The following SLU7 variants were observed in gnomAD, a reference collection of about 807,000 sequenced individuals.
The protein encoded by SLU7 is pre-mRNA-splicing factor SLU7.
In SLU7, 60 loss-of-function variants were observed where a neutral mutation model predicts 87.0. That is an observed-to-expected ratio of 0.69 (90% CI 0.56 to 0.86). The LOEUF (loss-of-function observed/expected upper bound fraction) is 0.86, where lower values mean the gene tolerates loss of function less well. Ranked by LOEUF, SLU7 falls within the 40% of genes least tolerant of loss-of-function variation. The pLI, the probability that SLU7 is intolerant of heterozygous loss-of-function variation, is 0.00. For synonymous variants in SLU7, 197 were observed against 222.0 expected (o/e 0.89, Z 1.00); for missense variants, 507 against 686.6 (o/e 0.74, Z 2.92).
Position 160,407,964 on chromosome 5 carries a change from T to A in SLU7, c.917+7A>T. 6.3e-7 allele frequency: 1 copy of A among 1,592,298 alleles called. No homozygotes were observed. Among genetic ancestry groups the A allele is most frequent in the Non-Finnish European group, 8.6e-7 (1 of 1,160,506 alleles). ...CTTAAAATCTGTACATTTAACTTGA[T>A]ACTTACTCATCTGGATTCTTTCCTG... On this transcript the variant is annotated splice_region_variant and intron_variant, in intron 9 of 15. Coordinates refer to ENST00000297151, the MANE Select transcript of SLU7 (RefSeq NM_006425.5). This position sits in a 1 kb window ranked among gnomAD's most constrained non-coding sequence, Gnocchi z 4.2.
intron 1 of SLU7, among the ~76,000 whole-genome samples, chr5:160,418,013 G>A (rs1765528651): frequency 6.6e-6 from 1 of 152,094 alleles, no homozygotes; most frequent in Non-Finnish European, 1.5e-5. Flanking sequence ...TAGACACTGG[G>A]CCTTTACACA....
intron 1 of SLU7, among the ~76,000 whole-genome samples, chr5:160,415,672 AAG>A (rs1765422632): frequency 6.6e-6 from 1 of 152,194 alleles, no homozygotes; most frequent in Admixed American, 6.5e-5. Context: ...TGAATATCTC[AAG>A]AGTTATCTAT....
At chr5:160,414,122 T>A in intron 3 of SLU7, 143 bp from the exon 4 acceptor site, 1 of 684,710 alleles carries the variant, frequency 1.5e-6, no homozygotes, top group Non-Finnish European at 2.3e-6. Context: ...TTTATAAATG[T>A]GAAACTTTAA....
chr5:160,403,935 A>C (rs757250802), intron 15 of SLU7, among the ~76,000 whole-genome samples: 9 of 152,232 alleles, frequency 5.9e-5, no homozygotes, highest in Non-Finnish European at 1.0e-4. Context: ...TCCAAGAAGA[A>C]GGCAATACCT....
rs1419389392 is a variant in SLU7 at position 160,407,635 on chromosome 5, C to T, written c.986-20G>A. 7.5e-6 allele frequency: 12 copies of T among 1,606,938 alleles called. No homozygotes were observed. The highest frequency in any genetic ancestry group is 3.3e-4 in the Middle Eastern group (2 of 6,012). ...CAAACACTAGAGTAATTCAAAACAT[C>T]TTAGTGAGTTGGCAGCTGCATTACT... On this transcript the variant is annotated intron_variant, in intron 10 of 15. Coordinates refer to ENST00000297151, the MANE Select transcript of SLU7 (RefSeq NM_006425.5). This position sits in a 1 kb window ranked among gnomAD's most constrained non-coding sequence, Gnocchi z 4.2.
intron 13 of SLU7, 28 bp downstream of exon 13, chr5:160,405,003 C>A (rs770360992): frequency 5.7e-6 from 9 of 1,573,414 alleles, no homozygotes; most frequent in Admixed American, 5.0e-5. Flanking sequence ...TTGTTTTATA[C>A]CTTTAAGAAC....
At chr5:160,410,360 A>G (rs551641112) in intron 6 of SLU7, among the ~76,000 whole-genome samples, 2 of 152,190 alleles carry the variant, frequency 1.3e-5, no homozygotes, top group Non-Finnish European at 2.9e-5. Flanking sequence ...ATTTACATAC[A>G]TTTCTATAGT....
intron 7 of SLU7, 94 bp from the exon 8 acceptor site, chr5:160,408,554 T>C (rs1765101513): frequency 6.9e-7 from 1 of 1,445,894 alleles, no homozygotes; most frequent in Non-Finnish European, 9.5e-7. Context: ...CCTTATTTAC[T>C]TGTGTTCTTT....
In SLU7 at chr5:160,407,398, C is replaced by T; in HGVS notation, c.1125+78G>A. ...AGAGGGCTCTCTTTGCATTATTTTCCAAATGTAAAACTAACGCTTATTAAC... is the reference window on the plus strand; with the variant it reads ...AGAGGGCTCTCTTTGCATTATTTTCTAAATGTAAAACTAACGCTTATTAAC... On this transcript the variant is annotated intron_variant, in intron 11 of 15. Coordinates refer to ENST00000297151, the MANE Select transcript of SLU7 (RefSeq NM_006425.5). The surrounding 1 kb of genome is among the most constrained non-coding windows in gnomAD (Gnocchi z 4.2). 7.6e-7 allele frequency: 1 copy of T among 1,317,592 alleles called. No homozygotes were observed. Among genetic ancestry groups the T allele is most frequent in the Non-Finnish European group, 1.0e-6 (1 of 960,216 alleles). The allele number at this position is 1,317,592 out of a possible 1,614,324, so 81.6% of individuals were successfully genotyped here.
chr5:160,403,020 A>C lies in SLU7; in HGVS notation c.*265T>G, dbSNP rs977147900. 3.6e-5 allele frequency: 8 copies of C among 221,906 alleles called. No individual in the cohort carries two copies. The highest frequency in any genetic ancestry group is 6.9e-5 in the Non-Finnish European group (8 of 115,198). 13.7% of individuals were successfully genotyped at this position (221,906 alleles called of 1,614,324 possible). On this transcript the variant is annotated 3_prime_UTR_variant, in exon 16 of 16. Coordinates refer to ENST00000297151, the MANE Select transcript of SLU7 (RefSeq NM_006425.5). ...ACAGAGCAAGACTCCGTCTCAAAAAAAAAAATAAATAAATAAAAAAAACTG... is the reference window on the plus strand; with the variant it reads ...ACAGAGCAAGACTCCGTCTCAAAAACAAAAATAAATAAATAAAAAAAACTG...
In SLU7 at chr5:160,407,217, G is replaced by A. The variant is rs1403991349; in HGVS notation, c.1125+259C>T. ...TAGTTCATCATCTAACCTCAGCTGA[G>A]CAAGCCCAGACCAGGAGACTTGGCC... On this transcript the variant is annotated intron_variant, in intron 11 of 15. Transcript: ENST00000297151. This position sits in a 1 kb window ranked among gnomAD's most constrained non-coding sequence, Gnocchi z 4.2. Among the ~76,000 whole-genome samples the A allele has an allele frequency of 1.3e-5, 2 of 152,184 alleles. No individual in the cohort carries two copies. The highest frequency in any genetic ancestry group is 2.9e-5 in the Non-Finnish European group (2 of 68,034).
intron 11 of SLU7, 90 bp from the exon 12 acceptor site, chr5:160,406,719 A>G: frequency 9.2e-7 from 1 of 1,084,018 alleles, no homozygotes; most frequent in South Asian, 1.6e-5. Flanking sequence ...TCAGAAAGAA[A>G]GGGAACATTC....
In SLU7 at chr5:160,415,188, T is replaced by C. The variant is rs1364378119; in HGVS notation, c.107A>G (p.Lys36Arg). The change falls in exon 2 of 16, where the codon AAG becomes AGG. Residue 36 changes from lysine (K) to arginine (R), a missense_variant. Physicochemically the swap from Lys to Arg is conservative, Grantham distance 26. Transcript: ENST00000297151. Reference protein sequence around the residue: ...KKMTREDWRKKKELEEQRKLG... With the variant: ...KKMTREDWRKRKELEEQRKLG... The stretch of plus-strand genomic sequence containing the variant: ...TTTTCGCTGTTCTTCTAGCTCCTTC[T>C]TCTTTCTCCAGTCCTCTCTGGTCAT... The C allele has an allele frequency of 6.2e-7, 1 of 1,612,374 alleles. No homozygotes were observed. The highest frequency in any genetic ancestry group is 8.5e-7 in the Non-Finnish European group (1 of 1,179,362).
In SLU7 at chr5:160,407,648, C is replaced by T; in HGVS notation, c.986-33G>A. ...AATTCAAAACATCTTAGTGAGTTGG[C>T]AGCTGCATTACTGTATGCTTCTTGA... On this transcript the variant is annotated intron_variant, in intron 10 of 15. Coordinates refer to ENST00000297151, the MANE Select transcript of SLU7 (RefSeq NM_006425.5). This position sits in a 1 kb window ranked among gnomAD's most constrained non-coding sequence, Gnocchi z 4.2. 6.2e-7 allele frequency: 1 copy of T among 1,605,566 alleles called. No homozygotes were observed. Among genetic ancestry groups the T allele is most frequent in the East Asian group, 2.2e-5 (1 of 44,816 alleles).
rs777783134 is a variant in SLU7 at position 160,408,480 on chromosome 5, G to A, written c.688-20C>T. 2 of 1,574,208 alleles carry A rather than the reference G, an allele frequency of 1.3e-6. No individual in the cohort carries two copies. The highest frequency in any genetic ancestry group is 2.7e-5 in the African/African-American group (2 of 73,198). The stretch of plus-strand genomic sequence containing the variant: ...TTTTTCCTAAAAGAGGGAGAGGAAG[G>A]AAAAGTAAGAAGAAAAGAAAGCAGC... On this transcript the variant is annotated intron_variant, in intron 7 of 15. Transcript: ENST00000297151.
At chr5:160,408,578 A>G (rs1249188202) in intron 7 of SLU7, 72 bp downstream of exon 7, 57 of 1,389,062 alleles carry the variant, frequency 4.1e-5, no homozygotes, top group Non-Finnish European at 5.6e-5. Flanking sequence ...AGCTATTATT[A>G]GTGTTATTTA....
rs1305099910 is a variant in SLU7 at position 160,405,082 on chromosome 5, G to C, written c.1341C>G (p.His447Gln). The C allele has an allele frequency of 1.9e-6, 3 of 1,613,914 alleles. No homozygotes were observed. The highest frequency in any genetic ancestry group is 1.7e-5 in the Admixed American group (1 of 60,024). The change falls in exon 13 of 16, where the codon CAC (histidine) becomes CAG (glutamine). Residue 447 changes from histidine (H) to glutamine (Q), a missense_variant. Around this residue, in one of 6 missense-constraint regions of SLU7, gnomAD observed 201 missense variants for 213.4 expected, o/e 0.94. Coordinates refer to ENST00000297151, the MANE Select transcript of SLU7 (RefSeq NM_006425.5). ...TACAATAGGAATACTTGAAAAAAGA[G>C]TGACAGCATTTGTATCCCCATCGGC... ...KEGRWGYKCCHSFFKYSYCTG... is the reference protein window; with the variant it reads ...KEGRWGYKCCQSFFKYSYCTG...
chr5:160,412,120 T>C (rs1354106600), intron 6 of SLU7, among the ~76,000 whole-genome samples: 1 of 152,214 alleles, frequency 6.6e-6, no homozygotes, highest in Admixed American at 6.5e-5. Context: ...TATTCCAATT[T>C]CTTTACTATT....
Position 160,407,907 on chromosome 5 carries a change from G to T in SLU7, c.917+64C>A. On this transcript the variant is annotated intron_variant, in intron 9 of 15. Transcript: ENST00000297151. The surrounding 1 kb of genome is among the most constrained non-coding windows in gnomAD (Gnocchi z 4.2). ...TGAATTAAAATGAACACCATCTATG[G>T]TCAGGTCAGAAAACAATTAACTTTC... The T allele has an allele frequency of 6.8e-7, 1 of 1,462,062 alleles. No homozygotes were observed. 90.6% of individuals were successfully genotyped at this position (1,462,062 alleles called of 1,614,324 possible). A position where few individuals can be genotyped will look rare whatever the true frequency, so the allele number is the denominator to read the frequency against.
Sources: allele counts gnomAD v4.1 joint callset (sites outside exome capture counted in the v4.1 genomes callset), GRCh38; gene constraint gnomAD v4.1.1; regional missense constraint gnomAD v4.1.1; non-coding constraint Gnocchi (gnomAD v3.1); transcripts MANE v1.5; gene names NCBI Gene and HGNC (gene_info 2026-07-23, HGNC 2026-07-21).